GABRA2: variants seen among roughly 807,000 people sequenced by gnomAD.
GABRA2 encodes the protein gamma-aminobutyric acid type A receptor subunit alpha2.
A neutral mutation model predicts 48.7 loss-of-function variants in GABRA2; 16 were observed. The ratio of observed to expected loss-of-function variants is 0.33; its 90% CI spans 0.22 to 0.50. GABRA2 has a LOEUF of 0.50. Among genes scored for constraint, GABRA2 ranks in the 20% least tolerant of loss-of-function variants. The pLI is 0.98. For synonymous variants in GABRA2, 185 were observed against 184.5 expected (o/e 1.00, Z -0.02); for missense variants, 275 against 535.6 (o/e 0.51, Z 4.80).
At chr4:46,321,813 A>T (rs1252368573) in intron 4 of GABRA2, among the ~76,000 whole-genome samples, 1 of 152,032 alleles carries the variant, frequency 6.6e-6, no homozygotes, top group East Asian at 1.9e-4. Context: ...ATACTCAACA[A>T]AAGGGTGGCC....
intron 3 of GABRA2, among the ~76,000 whole-genome samples, chr4:46,333,350 C>T (rs951740824): frequency 5.3e-5 from 8 of 151,928 alleles, no homozygotes; most frequent in African/African-American, 1.7e-4. Context: ...AACTGGATTG[C>T]TCTATCAACC....
chr4:46,345,116 G>T (rs765152264), intron 3 of GABRA2, among the ~76,000 whole-genome samples: 13 of 151,556 alleles, frequency 8.6e-5, no homozygotes, highest in Non-Finnish European at 1.8e-4. Flanking sequence ...TTTTATAAGG[G>T]GCTCTTCCCC....
chr4:46,298,890 C>A (rs904326920), intron 8 of GABRA2, among the ~76,000 whole-genome samples: 2 of 151,664 alleles, frequency 1.3e-5, no homozygotes, highest in South Asian at 2.1e-4. Flanking sequence ...TTGGAATTTT[C>A]TATAAAATTC....
At chr4:46,373,076 T>C (rs930548892) in intron 3 of GABRA2, among the ~76,000 whole-genome samples, 1 of 152,174 alleles carries the variant, frequency 6.6e-6, no homozygotes, top group Non-Finnish European at 1.5e-5. Context: ...TATCTGAGGC[T>C]GAGATGACTG....
At chr4:46,324,323 G>C (rs565997570) in intron 4 of GABRA2, among the ~76,000 whole-genome samples, 1 of 151,804 alleles carries the variant, frequency 6.6e-6, no homozygotes, top group African/African-American at 2.4e-5. Flanking sequence ...TCCTCATCAT[G>C]GGATCTGAGA....
intron 8 of GABRA2, among the ~76,000 whole-genome samples, chr4:46,292,344 T>C (rs562048707): frequency 1.3e-5 from 2 of 152,222 alleles, no homozygotes; most frequent in East Asian, 3.9e-4. Context: ...CAAGCTCTTA[T>C]CATGCAAGTG....
intron 3 of GABRA2, chr4:46,364,831 C>A (rs1339776519): frequency 6.6e-6 from 1 of 152,108 alleles, no homozygotes; most frequent in African/African-American, 2.4e-5. Flanking sequence ...TGCCATATAA[C>A]AAAAACTAAT....
intron 8 of GABRA2, among the ~76,000 whole-genome samples, chr4:46,291,278 G>A (rs1422164922): frequency 1.3e-5 from 2 of 152,136 alleles, no homozygotes; most frequent in African/African-American, 2.4e-5. Context: ...TAGGTCTGTT[G>A]AGTTTTTCTA....
chr4:46,252,105 A>G (rs1041146373), intron 9 of GABRA2, among the ~76,000 whole-genome samples: 7 of 151,396 alleles, frequency 4.6e-5, no homozygotes, highest in African/African-American at 1.7e-4. Flanking sequence ...TGTTCAAATA[A>G]GTTTAAAAAG....
At chr4:46,258,419 G>T (rs1716286839) in intron 9 of GABRA2, among the ~76,000 whole-genome samples, 1 of 151,826 alleles carries the variant, frequency 6.6e-6, no homozygotes, top group African/African-American at 2.4e-5. Flanking sequence ...ATTTCCTGAG[G>T]AATTGATATT....
chr4:46,272,676 A>T (rs1719566303), intron 8 of GABRA2, among the ~76,000 whole-genome samples: 1 of 151,958 alleles, frequency 6.6e-6, no homozygotes, highest in African/African-American at 2.4e-5. Context: ...CCAGAAAAGG[A>T]AAAATAATCC....
chr4:46,360,398 C>T (rs1338582542), intron 3 of GABRA2, among the ~76,000 whole-genome samples: 5 of 152,156 alleles, frequency 3.3e-5, no homozygotes, highest in Non-Finnish European at 7.4e-5. Context: ...AGAGATCTGA[C>T]GGTTTTAAAA....
chr4:46,377,034 G>A (rs992945372), intron 3 of GABRA2, among the ~76,000 whole-genome samples: 1 of 152,138 alleles, frequency 6.6e-6, no homozygotes, highest in East Asian at 1.9e-4. Context: ...CATTCATTCC[G>A]TGCTCAATGG....
intron 3 of GABRA2, among the ~76,000 whole-genome samples, chr4:46,382,191 C>CATATATAT (rs1322016603): frequency 4.2e-5 from 6 of 143,926 alleles, no homozygotes; most frequent in African/African-American, 1.6e-4. Flanking sequence ...CACACACACA[C>CATATATAT]ACATATATAT....
chr4:46,374,015 C>A (rs544718688), intron 3 of GABRA2, among the ~76,000 whole-genome samples: 31 of 152,210 alleles, frequency 2.0e-4, no homozygotes, highest in African/African-American at 7.5e-4. Context: ...ACCTAAGTGG[C>A]ATTTTAGCCC....
chr4:46,269,989 C>G (rs1719016856), intron 8 of GABRA2, among the ~76,000 whole-genome samples: 1 of 151,808 alleles, frequency 6.6e-6, no homozygotes, highest in African/African-American at 2.4e-5. Flanking sequence ...TGCACTAATA[C>G]TGATTAATTT....
chr4:46,255,455 AT>A (rs140616422), intron 9 of GABRA2, among the ~76,000 whole-genome samples: 1,715 of 151,718 alleles, frequency 0.011, 43 homozygotes, highest in African/African-American at 0.039. Flanking sequence ...ATTTAAAAAA[AT>A]CAAAGCTTGT....
chr4:46,355,697 A>G (rs924215506), intron 3 of GABRA2, among the ~76,000 whole-genome samples: 1 of 152,168 alleles, frequency 6.6e-6, no homozygotes, highest in Non-Finnish European at 1.5e-5. Flanking sequence ...AATCAGGGCT[A>G]TGCTAAGCAC....
At chr4:46,388,959 C>A in intron 1 of GABRA2, 1 of 1,278,746 alleles carries the variant, frequency 7.8e-7, no homozygotes, top group Non-Finnish European at 9.9e-7. Flanking sequence ...TCTTTAACAG[C>A]AAGATGACCA....
Sources: gnomAD v4.1 joint callset for allele counts (sites outside exome capture counted in the v4.1 genomes callset) on GRCh38, gnomAD v4.1.1 for gene constraint, MANE v1.5 for transcripts, NCBI Gene and HGNC (gene_info 2026-07-23, HGNC 2026-07-21) for gene names.